The following STRADA variants were observed in gnomAD, a reference collection of about 807,000 sequenced individuals.
STRADA encodes STE20-related kinase adapter protein alpha.
Under a neutral mutation model 55.0 loss-of-function variants are expected in STRADA, and 26 were observed. The ratio of observed to expected loss-of-function variants is 0.47; its 90% confidence interval spans 0.35 to 0.66. The LOEUF is 0.66. STRADA is among the 30% of genes least tolerant of loss of function. The pLI is 0.01. For missense variants in STRADA, 443 were observed against 549.7 expected, an observed-to-expected ratio of 0.81 and a Z score of 1.94; for synonymous variants, 197 against 210.9, an observed-to-expected ratio of 0.93 and a Z score of 0.57.
In STRADA at chr17:63,739,824, ATAATTATATG is replaced by A. The variant is rs1324940941; in HGVS notation, c.-45+1907_-45+1916del. On this transcript the variant is annotated intron_variant, in intron 1 of 12. Transcript: ENST00000336174. ...TTATATGTATATACATATAATGTAC[ATAATTATATG>A]TATATACATATAATGTACATAATTA... 3.1e-3 allele frequency among the ~76,000 whole-genome samples: 456 copies of A among 147,928 alleles called. 2 individuals carry two copies. Among genetic ancestry groups the A allele is most frequent in the Non-Finnish European group, 5.2e-3 (350 of 67,226 alleles).
intron 1 of STRADA, among the ~76,000 whole-genome samples, chr17:63,739,720 A>C (rs1049189703): frequency 1.3e-5 from 2 of 148,400 alleles, no homozygotes; most frequent in East Asian, 3.9e-4. Flanking sequence ...ATATAATTTT[A>C]TGTGTATATA....
intron 10 of STRADA, chr17:63,705,589 A>G (rs2036033605): frequency 1.3e-5 from 2 of 154,100 alleles, no homozygotes; most frequent in African/African-American, 4.8e-5. Context: ...TGTGCTTAGA[A>G]TCCTCAGCAC....
Position 63,740,155 on chromosome 17 carries a change from C to CATATATATATAT in STRADA, c.-45+1585_-45+1586insATATATATATAT, listed in dbSNP as rs761800599. Among the ~76,000 whole-genome samples, 61 of 111,424 alleles carry CATATATATATAT rather than the reference C, an allele frequency of 5.5e-4. No individual in the cohort carries two copies. The South Asian group carries it at 6.4e-3, about 12-fold the overall frequency. The allele number at this position is 111,424 out of a possible 152,430, so 73.1% of individuals were successfully genotyped here. On this transcript the variant is annotated intron_variant, in intron 1 of 12. Coordinates refer to ENST00000336174, the MANE Select transcript of STRADA (RefSeq NM_001003787.4). ...ACATACATATATATATATACACACA[C>CATATATATATAT]ACACACACACACACACACACACACA...
At chr17:63,732,172 T>A (rs1248546974) in intron 1 of STRADA, among the ~76,000 whole-genome samples, 3 of 151,018 alleles carry the variant, frequency 2.0e-5, no homozygotes, top group Non-Finnish European at 4.4e-5. Flanking sequence ...CTGGCCTAAT[T>A]TTTTGTATTT....
chr17:63,721,869 T>A (rs2037347093), intron 4 of STRADA, among the ~76,000 whole-genome samples: 1 of 152,240 alleles, frequency 6.6e-6, no homozygotes, highest in Non-Finnish European at 1.5e-5. Context: ...GGAGGCCTTC[T>A]ACTTTGTGGA....
At chr17:63,740,109 CAT>C (rs1253758587) in intron 1 of STRADA, among the ~76,000 whole-genome samples, 645 of 45,154 alleles carry the variant, frequency 0.014, 64 homozygotes, top group African/African-American at 0.11. Flanking sequence ...TATATATATA[CAT>C]ACATACATAT....
At chr17:63,729,898 C>T (rs567849710) in intron 1 of STRADA, among the ~76,000 whole-genome samples, 23 of 150,706 alleles carry the variant, frequency 1.5e-4, no homozygotes, top group Non-Finnish European at 3.0e-4. Context: ...AGTGCAGTTG[C>T]ACGATCTTGA....
chr17:63,729,351 C>T (rs1445674063), intron 1 of STRADA, among the ~76,000 whole-genome samples: 1 of 152,192 alleles, frequency 6.6e-6, no homozygotes, highest in African/African-American at 2.4e-5. Context: ...GAAGATGAAG[C>T]TTCTTATAGC....
At chr17:63,741,982 C>T (rs917523570), upstream of STRADA, 4 of 152,428 alleles carry the variant, frequency 2.6e-5, no homozygotes, top group Non-Finnish European at 4.4e-5. Flanking sequence ...GAGCGGTTCT[C>T]AGTTCCCGTT....
In STRADA at chr17:63,703,988, C is replaced by G; in HGVS notation, c.1143+17G>C. The G allele has an allele frequency of 1.9e-6, 3 of 1,613,794 alleles. No homozygotes were observed. Among genetic ancestry groups the G allele is most frequent in the Non-Finnish European group, 2.5e-6 (3 of 1,179,898 alleles). ...ACCAGAACTAGAACCAGAACCAGAA[C>G]GAAGGGGCTACGATACCTGCTTGAA... On this transcript the variant is annotated intron_variant, in intron 12 of 12. Transcript: ENST00000336174.
intron 4 of STRADA, among the ~76,000 whole-genome samples, chr17:63,715,975 A>T (rs530058514): frequency 6.6e-6 from 1 of 152,222 alleles, no homozygotes; most frequent in East Asian, 1.9e-4. Flanking sequence ...TAAAGCTTGT[A>T]ATTAGGAGTG....
chr17:63,730,980 T>C (rs28775323), intron 1 of STRADA, among the ~76,000 whole-genome samples: 6,453 of 151,730 alleles, frequency 0.043, 481 homozygotes, highest in African/African-American at 0.15. Flanking sequence ...GGAGTCTCGC[T>C]CTGTTGCCAG....
chr17:63,733,069 T>A (rs2038181856), intron 1 of STRADA, among the ~76,000 whole-genome samples: 1 of 152,200 alleles, frequency 6.6e-6, no homozygotes, highest in African/African-American at 2.4e-5. Context: ...TTTGTATTTT[T>A]AGTAGAGACA....
chr17:63,726,718 G>A (rs551618098), intron 2 of STRADA, 23 bp from the exon 3 acceptor site: 2 of 1,612,870 alleles, frequency 1.2e-6, no homozygotes, highest in African/African-American at 2.7e-5. Flanking sequence ...ACCCCAAAGA[G>A]AATTAGTATT....
intron 10 of STRADA, 53 bp downstream of exon 10, chr17:63,706,582 A>C: frequency 7.6e-7 from 1 of 1,314,738 alleles, no homozygotes; most frequent in Non-Finnish European, 1.1e-6. Flanking sequence ...TACTCAACGA[A>C]CATCTGTGGA....
At chr17:63,726,127 G>A (rs1218222683) in intron 3 of STRADA, 1 of 152,456 alleles carries the variant, frequency 6.6e-6, no homozygotes, top group South Asian at 2.1e-4. Flanking sequence ...TGGCCAAAGG[G>A]TAATGCCTAG....
At chr17:63,722,187 C>T (rs1288158365) in intron 4 of STRADA, among the ~76,000 whole-genome samples, 3 of 152,176 alleles carry the variant, frequency 2.0e-5, no homozygotes, top group East Asian at 1.9e-4. Context: ...GTTTCCCCCA[C>T]CATGAAATGC....
chr17:63,740,155 C>CAAATATATAT (rs761800599), intron 1 of STRADA, among the ~76,000 whole-genome samples: 1 of 111,410 alleles, frequency 9.0e-6, no homozygotes, highest in African/African-American at 3.9e-5. Flanking sequence ...TATACACACA[C>CAAATATATAT]ACACACACAC....
chr17:63,740,125 T>G (rs1215492010), intron 1 of STRADA, among the ~76,000 whole-genome samples: 1 of 77,008 alleles, frequency 1.3e-5, no homozygotes, highest in Non-Finnish European at 2.3e-5. Flanking sequence ...TACATATATA[T>G]ATACACATAC....
Sources: gnomAD v4.1 joint callset for allele counts (sites outside exome capture counted in the v4.1 genomes callset) on GRCh38, gnomAD v4.1.1 for gene constraint, MANE v1.5 for transcripts, NCBI Gene and HGNC (gene_info 2026-07-23, HGNC 2026-07-21) for gene names.